The following GPR89B variants were observed in gnomAD, a reference collection of about 807,000 sequenced individuals.
GPR89B encodes golgi pH regulator B.
In GPR89B, 25 loss-of-function variants were observed where a neutral mutation model predicts 52.4. The observed-to-expected ratio is 0.48, with a 90% CI of 0.35 to 0.67. The LOEUF (loss-of-function observed/expected upper bound fraction) is 0.67. GPR89B is among the 30% of genes least tolerant of loss of function. GPR89B has a pLI of 0.01. For missense variants in GPR89B, 146 were observed against 450.2 expected (o/e 0.32, Z 6.11); for synonymous variants, 52 against 151.2 (o/e 0.34, Z 4.81).
Position 147,938,696 on chromosome 1 carries a change from C to G in GPR89B, c.103-18C>G, listed in dbSNP as rs1553248389. 1 of 1,564,250 alleles carries G rather than the reference C, an allele frequency of 6.4e-7. No homozygotes were observed. Among genetic ancestry groups the G allele is most frequent in the South Asian group, 1.2e-5 (1 of 85,318 alleles). ...TAAACAAGGAAATAACTTCTAGTCT[C>G]TGTTTGGCTTTTAACAGATACGTCA... On this transcript the variant is annotated intron_variant, in intron 2 of 13. Coordinates refer to ENST00000314163, the MANE Select transcript of GPR89B (RefSeq NM_016334.5).
chr1:147,936,390 A>G (rs1654090309), intron 1 of GPR89B, among the ~76,000 whole-genome samples: 1 of 152,134 alleles, frequency 6.6e-6, no homozygotes. Flanking sequence ...ATGTACTTCC[A>G]TTTTTGTCTT....
At chr1:147,935,701 C>T (rs1316116972) in intron 1 of GPR89B, among the ~76,000 whole-genome samples, 1 of 152,028 alleles carries the variant, frequency 6.6e-6, no homozygotes, top group East Asian at 1.9e-4. Context: ...GGTCTCAACT[C>T]CTCTCCCCTG....
chr1:147,949,541 C>T (rs1655352681), intron 5 of GPR89B, among the ~76,000 whole-genome samples: 1 of 130,304 alleles, frequency 7.7e-6, no homozygotes. Flanking sequence ...GCGCCCCTCA[C>T]CTCCCGGACG....
the GPR89B span, among the ~76,000 whole-genome samples, chr1:148,003,585 A>C: frequency 2.0e-5 from 3 of 152,110 alleles, no homozygotes; most frequent in Admixed American, 1.3e-4. Context: ...CAGATCCCAA[A>C]TTCTGCCTTA....
At chr1:148,017,183 A>G in the GPR89B span, among the ~76,000 whole-genome samples, 1 of 151,656 alleles carries the variant, frequency 6.6e-6, no homozygotes, top group African/African-American at 2.4e-5. Context: ...CTGGGACTAC[A>G]GGTGCGTGCC....
intron 5 of GPR89B, among the ~76,000 whole-genome samples, chr1:147,946,297 T>C (rs1295350054): frequency 3.4e-4 from 51 of 152,238 alleles, no homozygotes; most frequent in Non-Finnish European, 3.4e-4. Flanking sequence ...TTTGTATCCC[T>C]AGTGCCTAGT....
chr1:147,946,391 G>T lies in GPR89B; in HGVS notation c.415+2293G>T, dbSNP rs1275225027. 3.3e-5 allele frequency among the ~76,000 whole-genome samples: 5 copies of T among 152,038 alleles called. 1 individual carries two copies. In the East Asian group the frequency reaches 9.6e-4, roughly 29 times the overall value. On this transcript the variant is annotated intron_variant, in intron 5 of 13. Coordinates refer to ENST00000314163, the MANE Select transcript of GPR89B (RefSeq NM_016334.5). The stretch of plus-strand genomic sequence containing the variant: ...AAAATTGAGTCTCTCCAAAGTGGTA[G>T]ATGAGTTTACTACTTTAACACTCTG...
At chr1:147,959,341 C>T (rs1468648277) in intron 7 of GPR89B, among the ~76,000 whole-genome samples, 1 of 151,994 alleles carries the variant, frequency 6.6e-6, no homozygotes, top group African/African-American at 2.4e-5. Flanking sequence ...CAGCCATTCT[C>T]AATAGAGGAA....
At chr1:148,004,625 C>T in the GPR89B span, among the ~76,000 whole-genome samples, 1 of 115,040 alleles carries the variant, frequency 8.7e-6, no homozygotes, top group Admixed American at 9.2e-5. Flanking sequence ...TAAGGGTCCA[C>T]GTCAAAAAAT....
chr1:147,978,572 C>T (rs1222830648), intron 10 of GPR89B, among the ~76,000 whole-genome samples: 1 of 151,472 alleles, frequency 6.6e-6, no homozygotes, highest in Admixed American at 6.6e-5. Context: ...AGCCAGCAGG[C>T]AGGAAAGACT....
At chr1:147,961,267 A>T (rs1303837661) in intron 7 of GPR89B, among the ~76,000 whole-genome samples, 3 of 152,190 alleles carry the variant, frequency 2.0e-5, no homozygotes, top group Non-Finnish European at 4.4e-5. Flanking sequence ...AATATCAAGC[A>T]GTCCAACATT....
the GPR89B span, among the ~76,000 whole-genome samples, chr1:148,018,963 G>A: frequency 2.6e-5 from 4 of 150,990 alleles, no homozygotes; most frequent in South Asian, 4.2e-4. Context: ...ACTGCACCCA[G>A]CCTATTATTA....
chr1:148,025,336 G>A, the GPR89B span, among the ~76,000 whole-genome samples: 6 of 151,602 alleles, frequency 4.0e-5, no homozygotes, highest in Non-Finnish European at 7.4e-5. Flanking sequence ...CCACCACCAG[G>A]CAAATGTCAT....
chr1:147,991,597 G>T (rs1659073084), intron 12 of GPR89B, among the ~76,000 whole-genome samples: 1 of 152,090 alleles, frequency 6.6e-6, no homozygotes, highest in Non-Finnish European at 1.5e-5. Flanking sequence ...GTCATAAATA[G>T]CTCTTACGAT....
downstream of GPR89B, chr1:147,994,354 C>T: frequency 6.7e-7 from 1 of 1,503,212 alleles, no homozygotes; most frequent in Non-Finnish European, 9.2e-7. Flanking sequence ...GTACTGTGGG[C>T]CTGTGTATAA....
At chr1:147,995,994 T>TGAATATGGAAGTTATAGCCTTCATAAATA, downstream of GPR89B, 2 of 848,572 alleles carry the variant, frequency 2.4e-6, no homozygotes, top group Non-Finnish European at 3.9e-6. Context: ...TTTAATCATG[T>TGAATATGGAAGTTATAGCCTTCATAAATA]TATTATTTCT....
At chr1:148,017,690 A>G in the GPR89B span, among the ~76,000 whole-genome samples, 6 of 150,568 alleles carry the variant, frequency 4.0e-5, 1 homozygote, top group South Asian at 1.3e-3. Flanking sequence ...GTGAGCCAAG[A>G]TCGGGCCACT....
chr1:148,012,727 C>A, the GPR89B span, among the ~76,000 whole-genome samples: 13 of 151,900 alleles, frequency 8.6e-5, 1 homozygote, highest in African/African-American at 3.2e-4. Context: ...GGATGTTGTG[C>A]CTACTGTCCA....
intron 12 of GPR89B, among the ~76,000 whole-genome samples, chr1:147,989,469 A>C (rs1658901066): frequency 6.6e-6 from 1 of 150,544 alleles, no homozygotes; most frequent in Non-Finnish European, 1.5e-5. Flanking sequence ...TCTAGGGTAC[A>C]TGTGCACAAC....
Sources: allele counts gnomAD v4.1 joint callset (sites outside exome capture counted in the v4.1 genomes callset), GRCh38; gene constraint gnomAD v4.1.1; transcripts MANE v1.5; gene names NCBI Gene and HGNC (gene_info 2026-07-23, HGNC 2026-07-21).